The following CLCN7 variants were observed in gnomAD, a reference collection of about 807,000 sequenced individuals.
CLCN7 encodes H(+)/Cl(-) exchange transporter 7.
A neutral mutation model predicts 102.1 loss-of-function variants in CLCN7; 60 were observed. That is an observed-to-expected ratio of 0.59 (90% CI 0.48 to 0.73). The LOEUF (loss-of-function observed/expected upper bound fraction) is 0.73. Ranked by LOEUF, CLCN7 falls within the 30% of genes least tolerant of loss-of-function variation. The pLI, the probability that CLCN7 is intolerant of heterozygous loss-of-function variation, is 0.00. For missense variants in CLCN7, 962 were observed against 1,125.7 expected (o/e 0.85, Z 2.08); for synonymous variants, 560 against 490.5 (o/e 1.14, Z -1.87).
At position 1,448,792 on chromosome 16, in the gene CLCN7, C is replaced by T. The variant is rs765136240; in HGVS notation, c.1798-26G>A. The T allele has an allele frequency of 3.1e-6, 5 of 1,607,384 alleles. No individual in the cohort carries two copies. In the East Asian group the frequency reaches 6.7e-5, roughly 21 times the overall value. ...CTGCGGGCGGGGCGGGAACACAGGG[C>T]TTGAGGAGTCCACACCCACCCCTGG... On this transcript the variant is annotated intron_variant, in intron 19 of 24. Transcript: ENST00000382745.
At chr16:1,451,786 G>A in intron 15 of CLCN7, 70 bp from the exon 16 acceptor site, 2 of 1,292,438 alleles carry the variant, frequency 1.5e-6, no homozygotes, top group Admixed American at 1.9e-5. Flanking sequence ...CAAACCTGGT[G>A]TCGCCGTGAG....
At chr16:1,451,386 C>A (rs1459941594) in intron 16 of CLCN7, among the ~76,000 whole-genome samples, 1 of 152,172 alleles carries the variant, frequency 6.6e-6, no homozygotes, top group Non-Finnish European at 1.5e-5. Context: ...TGCTTTTTTG[C>A]AAAGACAGAG....
intron 14 of CLCN7, 94 bp from the exon 15 acceptor site, chr16:1,452,987 G>A: frequency 6.7e-7 from 1 of 1,492,856 alleles, no homozygotes; most frequent in Non-Finnish European, 9.1e-7. Flanking sequence ...GGAGGACACT[G>A]GGCCCGTGGT....
At position 1,461,480 on chromosome 16, in the gene CLCN7, G is replaced by A. The variant is rs376717256; in HGVS notation, c.286-10C>T. 377 of 1,585,400 alleles carry A rather than the reference G, an allele frequency of 2.4e-4. No individual in the cohort carries two copies. Among genetic ancestry groups the A allele is most frequent in the Non-Finnish European group, 3.0e-4 (349 of 1,166,732 alleles). On this transcript the variant is annotated splice_polypyrimidine_tract_variant and intron_variant, in intron 3 of 24. Coordinates refer to ENST00000382745, the MANE Select transcript of CLCN7 (RefSeq NM_001287.6). ...TGTCATAGTCCAAGCTCTGCAGGCC[G>A]GGACAGCAAGGGCAGCACTCAGCAC...
At chr16:1,460,366 G>A in intron 6 of CLCN7, 52 bp downstream of exon 6, 17 of 1,345,682 alleles carry the variant, frequency 1.3e-5, no homozygotes, top group Non-Finnish European at 1.8e-5. Context: ...CATTCACCAA[G>A]ACCCCCAATC....
chr16:1,471,432 T>C (rs148135588), intron 1 of CLCN7, among the ~76,000 whole-genome samples: 13 of 152,262 alleles, frequency 8.5e-5, no homozygotes, highest in African/African-American at 3.1e-4. Flanking sequence ...CAGCTTACAG[T>C]ACCCCGTCTG....
Position 1,448,771 on chromosome 16 carries a change from G to A in CLCN7, c.1798-5C>T, listed in dbSNP as rs748228406. 2.4e-5 allele frequency: 39 copies of A among 1,610,704 alleles called. No individual in the cohort carries two copies. The highest frequency in any genetic ancestry group is 1.7e-4 in the Middle Eastern group (1 of 5,828). On this transcript the variant is annotated splice_region_variant and splice_polypyrimidine_tract_variant and intron_variant, in intron 19 of 24. Transcript: ENST00000382745. ...AATGTGCATGTCGTACAGGCCCTGC[G>A]GGCGGGGCGGGAACACAGGGCTTGA...
intron 6 of CLCN7, among the ~76,000 whole-genome samples, chr16:1,460,050 A>C (rs879922443): frequency 6.6e-6 from 1 of 151,904 alleles, no homozygotes; most frequent in Non-Finnish European, 1.5e-5. Flanking sequence ...GAAGGGTCTC[A>C]TGTCGTTGGG....
chr16:1,471,272 C>A (rs187428342), intron 1 of CLCN7, among the ~76,000 whole-genome samples: 1 of 152,264 alleles, frequency 6.6e-6, no homozygotes, highest in African/African-American at 2.4e-5. Context: ...ACGACACCAC[C>A]AGCCAACCTG....
intron 1 of CLCN7, among the ~76,000 whole-genome samples, chr16:1,468,939 C>T (rs1430357216): frequency 6.6e-6 from 1 of 151,888 alleles, no homozygotes; most frequent in African/African-American, 2.4e-5. Flanking sequence ...GCCTGTAATC[C>T]CAGCGCTTTC....
chr16:1,464,222 G>C (rs561577317), intron 2 of CLCN7, among the ~76,000 whole-genome samples: 91 of 152,298 alleles, frequency 6.0e-4, no homozygotes, highest in Admixed American at 3.4e-3. Context: ...CAATTATAAA[G>C]ACAACAAACC....
intron 7 of CLCN7, among the ~76,000 whole-genome samples, chr16:1,458,520 C>T (rs7187090): frequency 0.12 from 17,585 of 152,296 alleles, 1,194 homozygotes; most frequent in Middle Eastern, 0.22. Flanking sequence ...CCAGAGGGGA[C>T]ACACTGGTCC....
rs762805171 is a variant in CLCN7, at chr16:1,447,142, C to T, written c.2251-56G>A. ...CCCACACAGCAGAGGCAGGCGGGAC[C>T]CTCACCCAAGCTGGCTCCCTGCACC... is the stretch of plus-strand genomic sequence containing the variant. On this transcript the variant is annotated intron_variant, in intron 23 of 24. Coordinates refer to ENST00000382745, the MANE Select transcript of CLCN7 (RefSeq NM_001287.6). 1.4e-5 allele frequency: 21 copies of T among 1,494,948 alleles called. No individual in the cohort carries two copies. The South Asian group carries it at 2.3e-4, about 16-fold the overall frequency. 92.6% of individuals were successfully genotyped at this position (1,494,948 alleles called of 1,614,324 possible).
rs367719030 is a variant in CLCN7 at position 1,457,640 on chromosome 16, C to T, written c.738+54G>A. The stretch of plus-strand genomic sequence containing the variant: ...AGACACACATGGGCGTGGCGGCCCT[C>T]GCGGGCCCGGCGGCCTCAGGCTCCA... On this transcript the variant is annotated intron_variant, in intron 8 of 24. Coordinates refer to ENST00000382745, the MANE Select transcript of CLCN7 (RefSeq NM_001287.6). The surrounding 1 kb of genome is among the most constrained non-coding windows in gnomAD (Gnocchi z 5.4). 3.0e-4 allele frequency: 475 copies of T among 1,587,208 alleles called. 2 individuals are homozygous for T. Among genetic ancestry groups the T allele is most frequent in the South Asian group, 1.4e-3 (128 of 90,314 alleles).
chr16:1,446,755 G>T, intron 24 of CLCN7, 38 bp from the exon 25 acceptor site: 1 of 1,513,308 alleles, frequency 6.6e-7, no homozygotes, highest in Non-Finnish European at 9.0e-7. Flanking sequence ...CACACGGGTC[G>T]GCTCCCGCCT....
Position 1,457,185 on chromosome 16 carries a change from T to C in CLCN7, c.822+69A>G. The C allele has an allele frequency of 7.1e-7, 1 of 1,405,112 alleles. No individual in the cohort carries two copies. The highest frequency in any genetic ancestry group is 1.0e-6 in the Non-Finnish European group (1 of 990,298). The allele number at this position is 1,405,112 out of a possible 1,614,324, so 87.0% of individuals were successfully genotyped here. A position where few individuals can be genotyped will look rare whatever the true frequency, so the allele number is the denominator to read the frequency against. Reference sequence around the variant, plus strand: ...GCCTGGGGGTGCTGAGGGAAGCCCATCTCCCTGAGTGGTGCCCGTGCCCGT... The same window carrying C: ...GCCTGGGGGTGCTGAGGGAAGCCCACCTCCCTGAGTGGTGCCCGTGCCCGT... On this transcript the variant is annotated intron_variant, in intron 9 of 24. Transcript: ENST00000382745. This position sits in a 1 kb window ranked among gnomAD's most constrained non-coding sequence, Gnocchi z 5.4.
At chr16:1,455,683 A>C in intron 11 of CLCN7, 48 bp downstream of exon 11, 2 of 1,589,260 alleles carry the variant, frequency 1.3e-6, no homozygotes, top group Non-Finnish European at 1.7e-6. Flanking sequence ...GGGAAATGAG[A>C]GCGCAGCATG....
At chr16:1,462,779 G>C (rs552896040) in intron 2 of CLCN7, among the ~76,000 whole-genome samples, 1 of 151,472 alleles carries the variant, frequency 6.6e-6, no homozygotes, top group African/African-American at 2.4e-5. Context: ...ACGATCAATT[G>C]ATTTCCCACA....
At chr16:1,474,534 G>C (rs866843379) in intron 1 of CLCN7, among the ~76,000 whole-genome samples, 1 of 152,214 alleles carries the variant, frequency 6.6e-6, no homozygotes, top group African/African-American at 2.4e-5. Flanking sequence ...GGGAATGAAC[G>C]TGCGCCACGG....
Sources: allele counts gnomAD v4.1 joint callset (sites outside exome capture counted in the v4.1 genomes callset), GRCh38; gene constraint gnomAD v4.1.1; non-coding constraint Gnocchi (gnomAD v3.1); transcripts MANE v1.5; gene names NCBI Gene and HGNC (gene_info 2026-07-23, HGNC 2026-07-21).